The following GABBR2 variants were observed in gnomAD, a reference collection of about 807,000 sequenced individuals.
The protein encoded by GABBR2 is G-protein coupled receptor 51.
In GABBR2, 23 loss-of-function variants were observed where a neutral mutation model predicts 105.6. The observed-to-expected ratio is 0.22, with a 90% CI of 0.16 to 0.31. The LOEUF is 0.31. Among genes scored for constraint, GABBR2 ranks in the 10% least tolerant of loss-of-function variants. The pLI, the probability that GABBR2 is intolerant of heterozygous loss-of-function variation, is 1.00. For missense variants in GABBR2, 734 were observed against 1,245.5 expected (o/e 0.59, Z 6.18); for synonymous variants, 478 against 499.7 (o/e 0.96, Z 0.58).
rs1267407257 is a variant in GABBR2 at position 98,290,700 on chromosome 9, G to C, written c.2710C>G (p.Leu904Val). ...LQLPILHHAY[L>V]PSIGGVDASC... Reference sequence around the variant, plus strand: ...GCGTCCACGCCTCCGATGGATGGGAGGTAGGCGTGGTGGAGGATGGGGAGC... The same window carrying C: ...GCGTCCACGCCTCCGATGGATGGGACGTAGGCGTGGTGGAGGATGGGGAGC... Residue 904 changes from leucine to valine, a missense_variant, in exon 19 of 19, where the codon CTC (leucine) becomes GTC (valine). Physicochemically the swap from Leu to Val is conservative, Grantham distance 32. Around this residue, in one of 7 missense-constraint regions of GABBR2, gnomAD observed 134 missense variants for 171.2 expected, o/e 0.78. Transcript: ENST00000259455. The C allele has an allele frequency of 6.7e-7, 1 of 1,486,696 alleles. No homozygotes were observed. Among genetic ancestry groups the C allele is most frequent in the Non-Finnish European group, 8.8e-7 (1 of 1,129,948 alleles). 92.1% of individuals were successfully genotyped at this position (1,486,696 alleles called of 1,614,324 possible). A position where few individuals can be genotyped will look rare whatever the true frequency, so the allele number is the denominator to read the frequency against.
chr9:98,466,872 A>C (rs1182782636), intron 6 of GABBR2, among the ~76,000 whole-genome samples: 4 of 152,202 alleles, frequency 2.6e-5, no homozygotes, highest in Non-Finnish European at 4.4e-5. Context: ...ACAGCTCCCC[A>C]GGGTAATAAG....
rs1352515698 is a variant in GABBR2, at chr9:98,548,709, G to A, written c.460-6666C>T. 1.4e-4 allele frequency among the ~76,000 whole-genome samples: 17 copies of A among 119,958 alleles called. 3 individuals are homozygous for A. The highest frequency in any genetic ancestry group is 4.3e-4 in the African/African-American group (16 of 37,500). 78.7% of individuals were successfully genotyped at this position (119,958 alleles called of 152,430 possible). The stretch of plus-strand genomic sequence containing the variant: ...ATGAGTCCTGAGTCTAACTCAGATT[G>A]TAGGGGAGAAAGGAAAAGGTCTACC... On this transcript the variant is annotated intron_variant, in intron 2 of 18. Coordinates refer to ENST00000259455, the MANE Select transcript of GABBR2 (RefSeq NM_005458.8).
chr9:98,441,555 A>G (rs1826031416), intron 7 of GABBR2, among the ~76,000 whole-genome samples: 1 of 152,110 alleles, frequency 6.6e-6, no homozygotes, highest in African/African-American at 2.4e-5. Context: ...TTTAGTAGAG[A>G]CAGGGTTTCA....
intron 2 of GABBR2, among the ~76,000 whole-genome samples, chr9:98,577,720 C>CACAA: frequency 6.6e-6 from 1 of 152,312 alleles, no homozygotes; most frequent in Non-Finnish European, 1.5e-5. Flanking sequence ...CCTTCAAATA[C>CACAA]ATGGTGATAG....
At chr9:98,545,854 GCA>G (rs960200773) in intron 2 of GABBR2, among the ~76,000 whole-genome samples, 4 of 152,092 alleles carry the variant, frequency 2.6e-5, no homozygotes, top group African/African-American at 9.7e-5. Context: ...TCTTCCCCTA[GCA>G]CAGTCACCCA....
intron 13 of GABBR2, among the ~76,000 whole-genome samples, chr9:98,334,594 T>G (rs995235850): frequency 1.4e-5 from 2 of 144,192 alleles, no homozygotes; most frequent in African/African-American, 2.6e-5. Context: ...GGTGCTTGCA[T>G]GTGAGTAGGG....
At chr9:98,504,650 G>A (rs935484971) in intron 3 of GABBR2, among the ~76,000 whole-genome samples, 5 of 152,184 alleles carry the variant, frequency 3.3e-5, no homozygotes, top group East Asian at 1.9e-4. Context: ...GAATTGTGCC[G>A]AAATGTCACT....
At chr9:98,595,945 T>C (rs1829228679) in intron 1 of GABBR2, among the ~76,000 whole-genome samples, 1 of 152,194 alleles carries the variant, frequency 6.6e-6, no homozygotes, top group Non-Finnish European at 1.5e-5. Flanking sequence ...ATGACACCTG[T>C]GTCCCATCCC....
intron 1 of GABBR2, among the ~76,000 whole-genome samples, chr9:98,578,364 C>T (rs545023617): frequency 1.9e-4 from 29 of 152,190 alleles, no homozygotes; most frequent in African/African-American, 6.7e-4. Context: ...CATAATGCCT[C>T]GCCCTGGGAT....
intron 1 of GABBR2, among the ~76,000 whole-genome samples, chr9:98,625,157 G>T (rs1829717579): frequency 6.6e-6 from 1 of 152,202 alleles, no homozygotes; most frequent in African/African-American, 2.4e-5. Context: ...CACAAAGGGG[G>T]CTATAACCCA....
chr9:98,470,428 A>G (rs780423418), intron 6 of GABBR2, among the ~76,000 whole-genome samples: 2 of 152,168 alleles, frequency 1.3e-5, no homozygotes, highest in African/African-American at 4.8e-5. Flanking sequence ...ATTTCCCCTT[A>G]TCAAACAATC....
intron 1 of GABBR2, among the ~76,000 whole-genome samples, chr9:98,658,039 C>T (rs919134126): frequency 1.4e-4 from 22 of 152,254 alleles, no homozygotes; most frequent in African/African-American, 4.6e-4. Flanking sequence ...AGAGCCTTTA[C>T]TAGGCACTGA....
intron 13 of GABBR2, among the ~76,000 whole-genome samples, chr9:98,349,839 TA>T (rs1459931825): frequency 6.6e-6 from 1 of 152,330 alleles, no homozygotes; most frequent in East Asian, 1.9e-4. Context: ...GTTAGTTCTT[TA>T]AAAGTTTGGT....
chr9:98,373,232 G>A (rs1831816297), intron 11 of GABBR2, among the ~76,000 whole-genome samples: 1 of 152,104 alleles, frequency 6.6e-6, no homozygotes, highest in Admixed American at 6.5e-5. Context: ...TCATTCGTTT[G>A]TTTGTTCATT....
At chr9:98,607,000 C>G in intron 1 of GABBR2, 1 of 916,066 alleles carries the variant, frequency 1.1e-6, no homozygotes, top group Non-Finnish European at 1.8e-6. Context: ...CGCTCGGTAG[C>G]TCAACAGAAG....
intron 6 of GABBR2, among the ~76,000 whole-genome samples, chr9:98,455,353 C>G (rs55923702): frequency 0.16 from 24,760 of 152,144 alleles, 2,494 homozygotes; most frequent in African/African-American, 0.26. Context: ...CACTTCTGAA[C>G]TCCTCTGCCA....
At chr9:98,643,947 G>T (rs1829999733) in intron 1 of GABBR2, among the ~76,000 whole-genome samples, 1 of 152,148 alleles carries the variant, frequency 6.6e-6, no homozygotes, top group Non-Finnish European at 1.5e-5. Context: ...GCCTCCGGGG[G>T]CTAGCCTTCC....
At chr9:98,322,611 C>A (rs895888641) in intron 13 of GABBR2, among the ~76,000 whole-genome samples, 2 of 137,196 alleles carry the variant, frequency 1.5e-5, no homozygotes, top group Admixed American at 7.2e-5. Flanking sequence ...CTGACCCCCC[C>A]ATACCCGTCC....
chr9:98,394,573 T>C (rs1414804713), intron 8 of GABBR2, among the ~76,000 whole-genome samples: 2 of 152,236 alleles, frequency 1.3e-5, no homozygotes, highest in Admixed American at 6.5e-5. Flanking sequence ...AATGTTTCCC[T>C]GTAACATTCC....
Sources: gnomAD v4.1 joint callset for allele counts (sites outside exome capture counted in the v4.1 genomes callset) on GRCh38, gnomAD v4.1.1 for gene constraint, gnomAD v4.1.1 regional missense constraint, MANE v1.5 for transcripts, NCBI Gene and HGNC (gene_info 2026-07-23, HGNC 2026-07-21) for gene names.